Variants in ANKH observed in about 807,000 individuals in gnomAD.
The protein encoded by ANKH is mineralization regulator ANKH.
ANKH carries 15 observed loss-of-function variants against 49.0 expected under a neutral mutation model. That is an observed-to-expected ratio of 0.31 (90% CI 0.20 to 0.47). ANKH has a LOEUF of 0.47. Among genes scored for constraint, ANKH ranks in the 20% least tolerant of loss-of-function variants. The pLI, the probability that ANKH is intolerant of heterozygous loss-of-function variation, is 1.00. For missense variants in ANKH, 429 were observed against 652.0 expected (o/e 0.66, Z 3.72); for synonymous variants, 273 against 260.0 (o/e 1.05, Z -0.48).
In ANKH at chr5:14,755,881, T is replaced by C; in HGVS notation, c.496A>G (p.Ile166Val). ...TTTACCTGAGCTATGACATCTGAGA[T>C]TGAGGCACATCCCACCAGGAAACTG... ...KYSFLVGCAS[I>V]SDVIAQVVFV... The change falls in exon 4 of 12, where the codon ATC becomes GTC. Residue 166 changes from isoleucine to valine, a missense_variant. By Grantham distance (29) the Ile-to-Val change is conservative (BLOSUM62 3). Transcript: ENST00000284268. The C allele has an allele frequency of 1.2e-6, 2 of 1,614,080 alleles. No homozygotes were observed. Among genetic ancestry groups the C allele is most frequent in the Non-Finnish European group, 1.7e-6 (2 of 1,179,932 alleles).
At chr5:14,721,885 A>G (rs576529802) in intron 8 of ANKH, among the ~76,000 whole-genome samples, 45 of 128,830 alleles carry the variant, frequency 3.5e-4, no homozygotes, top group East Asian at 1.7e-3. Context: ...AGCTGAGATC[A>G]TGCCACTGCA....
chr5:14,774,920 G>C (rs1435129484), intron 1 of ANKH, among the ~76,000 whole-genome samples: 2 of 150,444 alleles, frequency 1.3e-5, no homozygotes, highest in African/African-American at 4.9e-5. Flanking sequence ...ATGTACTGAA[G>C]ACAAAAAAAA....
chr5:14,714,698 A>G (rs1369519902), intron 9 of ANKH, among the ~76,000 whole-genome samples: 18 of 152,080 alleles, frequency 1.2e-4, no homozygotes, highest in East Asian at 3.9e-4. Flanking sequence ...CAAAGGAGAG[A>G]GTCAGGATCC....
intron 1 of ANKH, among the ~76,000 whole-genome samples, chr5:14,789,331 T>C (rs1257048491): frequency 1.3e-5 from 2 of 152,160 alleles, no homozygotes; most frequent in African/African-American, 2.4e-5. Flanking sequence ...TTTTACAAAG[T>C]CTGACTTTTG....
At chr5:14,856,785 A>G (rs185723913) in intron 1 of ANKH, among the ~76,000 whole-genome samples, 2 of 152,284 alleles carry the variant, frequency 1.3e-5, no homozygotes, top group East Asian at 1.9e-4. Context: ...AAATTCACCT[A>G]TGAGACTCTA....
At chr5:14,810,467 A>G (rs1220075399) in intron 1 of ANKH, among the ~76,000 whole-genome samples, 1 of 152,158 alleles carries the variant, frequency 6.6e-6, no homozygotes. Flanking sequence ...CCAAAAATTG[A>G]TTGACTTTTA....
chr5:14,780,472 G>A (rs1191854422), intron 1 of ANKH, among the ~76,000 whole-genome samples: 1 of 152,160 alleles, frequency 6.6e-6, no homozygotes, highest in Non-Finnish European at 1.5e-5. Flanking sequence ...GAACCCAGGA[G>A]GCGGAGGTTG....
intron 8 of ANKH, among the ~76,000 whole-genome samples, chr5:14,730,833 G>A (rs1372289493): frequency 3.9e-5 from 6 of 152,198 alleles, no homozygotes; most frequent in Non-Finnish European, 8.8e-5. Context: ...AGAAGAGGTG[G>A]CCAGAGCCCG....
At chr5:14,854,804 C>T (rs1011403177) in intron 1 of ANKH, among the ~76,000 whole-genome samples, 1 of 152,212 alleles carries the variant, frequency 6.6e-6, no homozygotes, top group East Asian at 1.9e-4. Flanking sequence ...CCAGCCCTGC[C>T]TTCCCACCCC....
chr5:14,835,903 A>T (rs2126603980), intron 1 of ANKH, among the ~76,000 whole-genome samples: 1 of 152,336 alleles, frequency 6.6e-6, no homozygotes, highest in Non-Finnish European at 1.5e-5. Flanking sequence ...GCAGCACATC[A>T]AAAAGCTTAT....
intron 1 of ANKH, among the ~76,000 whole-genome samples, chr5:14,802,509 C>T (rs1177525369): frequency 6.6e-6 from 1 of 152,082 alleles, no homozygotes; most frequent in Non-Finnish European, 1.5e-5. Context: ...GATGGAGGGA[C>T]CTCTGAAGAT....
chr5:14,730,256 G>T (rs1737953707), intron 8 of ANKH, among the ~76,000 whole-genome samples: 1 of 152,216 alleles, frequency 6.6e-6, no homozygotes, highest in Non-Finnish European at 1.5e-5. Context: ...TCACAGCCTT[G>T]CCGGAGGGGA....
intron 1 of ANKH, among the ~76,000 whole-genome samples, chr5:14,810,939 C>A (rs758538508): frequency 2.7e-4 from 41 of 151,962 alleles, no homozygotes; most frequent in Admixed American, 5.9e-4. Context: ...TCATTTCCAT[C>A]GTGACAAAAT....
intron 1 of ANKH, among the ~76,000 whole-genome samples, chr5:14,802,815 G>A (rs754700897): frequency 4.6e-5 from 7 of 151,956 alleles, no homozygotes; most frequent in Non-Finnish European, 7.4e-5. Context: ...CCCCACCCCC[G>A]TTCCTTCTCC....
At chr5:14,864,392 A>C (rs1280786290) in intron 1 of ANKH, among the ~76,000 whole-genome samples, 2 of 152,216 alleles carry the variant, frequency 1.3e-5, no homozygotes, top group Non-Finnish European at 2.9e-5. Context: ...AACCAACCTC[A>C]GGATTATACC....
At chr5:14,806,266 C>T (rs902797548) in intron 1 of ANKH, among the ~76,000 whole-genome samples, 8 of 151,936 alleles carry the variant, frequency 5.3e-5, no homozygotes, top group Non-Finnish European at 1.2e-4. Context: ...CCTGCACCAC[C>T]CTCAACCCCC....
In ANKH at chr5:14,790,576, T is replaced by C. The variant is rs535102046; in HGVS notation, c.97-21385A>G. Among the ~76,000 whole-genome samples, 9 of 152,358 alleles carry C rather than the reference T, an allele frequency of 5.9e-5. No homozygotes were observed. The South Asian group carries it at 1.4e-3, about 25-fold the overall frequency. On this transcript the variant is annotated intron_variant, in intron 1 of 11. Transcript: ENST00000284268. ...TTTCTTTTTCTTTCTTTTTGTAAAA[T>C]GTATTTTAAAGAAACTGCTCCGTGG...
intron 4 of ANKH, among the ~76,000 whole-genome samples, chr5:14,753,756 T>TTC (rs386403084): frequency 6.6e-6 from 1 of 151,874 alleles, no homozygotes; most frequent in Non-Finnish European, 1.5e-5. Context: ...CAAGAGGTTT[T>TTC]TGTATTATTG....
chr5:14,794,845 G>A (rs1740322149), intron 1 of ANKH, among the ~76,000 whole-genome samples: 1 of 152,224 alleles, frequency 6.6e-6, no homozygotes, highest in South Asian at 2.1e-4. Context: ...GCCCTTTGAA[G>A]AAATATATAC....
Sources: allele counts gnomAD v4.1 joint callset (sites outside exome capture counted in the v4.1 genomes callset), GRCh38; gene constraint gnomAD v4.1.1; transcripts MANE v1.5; gene names NCBI Gene and HGNC (gene_info 2026-07-23, HGNC 2026-07-21).